Variants in TDRD10 observed in about 807,000 individuals in gnomAD.
TDRD10 encodes tudor domain containing 10.
TDRD10 carries 40 observed loss-of-function variants against 48.0 expected under a neutral mutation model. The observed-to-expected ratio is 0.83, with a 90% CI of 0.65 to 1.09. The LOEUF (loss-of-function observed/expected upper bound fraction) is 1.09. TDRD10 is among the 50% of genes least tolerant of loss of function. The pLI, the probability that TDRD10 is intolerant of heterozygous loss-of-function variation, is 0.00. For missense variants in TDRD10, 378 were observed against 434.7 expected, an observed-to-expected ratio of 0.87 and a Z score of 1.16; for synonymous variants, 162 against 170.4, an observed-to-expected ratio of 0.95 and a Z score of 0.38.
Position 154,547,875 on chromosome 1 carries a change from A to G in TDRD10, c.*165A>G. ...CTTTTACTCCCAGCTTCCCTCTCAA[A>G]AGAGAGTGAAGTCTCATTTGTCATG... is the stretch of plus-strand genomic sequence containing the variant. On this transcript the variant is annotated 3_prime_UTR_variant, in exon 13 of 13. Coordinates refer to ENST00000368482, the MANE Select transcript of TDRD10 (RefSeq NM_182499.4). 1.4e-6 allele frequency: 1 copy of G among 725,122 alleles called. No homozygotes were observed. The highest frequency in any genetic ancestry group is 2.3e-6 in the Non-Finnish European group (1 of 434,152). The allele number at this position is 725,122 out of a possible 1,614,324, so 44.9% of individuals were successfully genotyped here. A position where few individuals can be genotyped will look rare whatever the true frequency, so the allele number is the denominator to read the frequency against.
At chr1:154,520,447 CAT>C (rs1693998363) in intron 5 of TDRD10, 73 bp downstream of exon 5, 1 of 1,249,668 alleles carries the variant, frequency 8.0e-7, no homozygotes, top group Non-Finnish European at 1.2e-6. Context: ...CTGATGCACT[CAT>C]GTTGCAGACT....
At position 154,544,555 on chromosome 1, in the gene TDRD10, C is replaced by T. The variant is rs139609427; in HGVS notation, c.797+38C>T. ...GCAGGGGTAGAGTCTATGGGAGAGGCGTGCAGGGAAAATGCTCCCTTCTTG... is the reference window on the plus strand; with the variant it reads ...GCAGGGGTAGAGTCTATGGGAGAGGTGTGCAGGGAAAATGCTCCCTTCTTG... On this transcript the variant is annotated intron_variant, in intron 10 of 12. Coordinates refer to ENST00000368482, the MANE Select transcript of TDRD10 (RefSeq NM_182499.4). The T allele has an allele frequency of 4.4e-4, 696 of 1,592,750 alleles. 5 individuals are homozygous for T. The African/African-American group carries it at 7.7e-3, about 18-fold the overall frequency.
intron 4 of TDRD10, among the ~76,000 whole-genome samples, chr1:154,513,120 C>A (rs1417840793): frequency 3.3e-5 from 5 of 152,098 alleles, no homozygotes; most frequent in African/African-American, 1.2e-4. Context: ...TAAAAAGACA[C>A]AAGAGCAAGC....
chr1:154,538,550 C>CAAAA (rs59257227), intron 6 of TDRD10, among the ~76,000 whole-genome samples: 8,138 of 57,186 alleles, frequency 0.14, 392 homozygotes, highest in Non-Finnish European at 0.18. Context: ...AACTCTATCT[C>CAAAA]AAAAAAAAAA....
Position 154,509,079 on chromosome 1 carries a change from T to C in TDRD10, c.141+598T>C, listed in dbSNP as rs180864759. Among the ~76,000 whole-genome samples the C allele has an allele frequency of 3.4e-5, 5 of 145,774 alleles. No homozygotes were observed. The East Asian group carries it at 8.2e-4, about 24-fold the overall frequency. The stretch of plus-strand genomic sequence containing the variant: ...GAGAATGAAAGTGTGATCTATTGAA[T>C]TGAAGCACCTCCTGACTTTTTTTTT... On this transcript the variant is annotated intron_variant, in intron 4 of 12. Coordinates refer to ENST00000368482, the MANE Select transcript of TDRD10 (RefSeq NM_182499.4).
chr1:154,507,462 AC>A, intron 3 of TDRD10, 142 bp downstream of exon 3: 1 of 1,019,250 alleles, frequency 9.8e-7, no homozygotes, highest in Non-Finnish European at 1.5e-6. Flanking sequence ...CCAGTCAGCC[AC>A]CATGTTTCCT....
In TDRD10 at chr1:154,544,006, C is replaced by G; in HGVS notation, c.547C>G (p.Leu183Val). 1.2e-6 allele frequency: 2 copies of G among 1,614,216 alleles called. No individual in the cohort carries two copies. The highest frequency in any genetic ancestry group is 1.1e-5 in the South Asian group (1 of 91,088). Residue 183 changes from leucine to valine, a missense_variant, in exon 9 of 13, where the codon CTG (leucine) becomes GTG (valine). Coordinates refer to ENST00000368482, the MANE Select transcript of TDRD10 (RefSeq NM_182499.4). ...GCTCCTGAGGGAATGCTTCCGAGAC[C>G]TGAGCTGGCTGGCACTCATCCATAG... ...VLLLRECFRDLSWLALIHSVR... is the reference protein window; with the variant it reads ...VLLLRECFRDVSWLALIHSVR...
intron 1 of TDRD10, among the ~76,000 whole-genome samples, chr1:154,504,935 C>T (rs749485653): frequency 2.6e-5 from 4 of 151,970 alleles, no homozygotes; most frequent in African/African-American, 4.8e-5. Context: ...TGCAGTGAGC[C>T]GAGATCGTAC....
chr1:154,541,871 G>A, intron 6 of TDRD10, 153 bp from the exon 7 acceptor site: 3 of 654,908 alleles, frequency 4.6e-6, no homozygotes, highest in Non-Finnish European at 7.9e-6. Context: ...GATGGAGAGA[G>A]TGGACGGATG....
At chr1:154,539,732 A>G (rs917534427) in intron 6 of TDRD10, among the ~76,000 whole-genome samples, 2 of 152,260 alleles carry the variant, frequency 1.3e-5, no homozygotes, top group African/African-American at 4.8e-5. Flanking sequence ...GTTGAAAGAC[A>G]CTTGTCATTC....
chr1:154,507,367 A>G, intron 3 of TDRD10, 47 bp downstream of exon 3: 1 of 1,602,648 alleles, frequency 6.2e-7, no homozygotes, highest in Non-Finnish European at 8.5e-7. Flanking sequence ...CTCATCCTAC[A>G]ACTTGGATTC....
At chr1:154,533,892 TA>T (rs60516920) in intron 6 of TDRD10, among the ~76,000 whole-genome samples, 5,059 of 60,214 alleles carry the variant, frequency 0.084, 287 homozygotes, top group African/African-American at 0.18. Context: ...TATATATATA[TA>T]TTTTTTTTTA....
At chr1:154,520,497 G>A (rs969295701) in intron 5 of TDRD10, 123 bp downstream of exon 5, 3 of 725,228 alleles carry the variant, frequency 4.1e-6, no homozygotes, top group Admixed American at 4.5e-5. Context: ...ACTCTGACTT[G>A]GCAAAGGAAC....
In TDRD10 at chr1:154,502,841, G is replaced by C. The variant is rs1312561801; in HGVS notation, c.-216G>C. On this transcript the variant is annotated 5_prime_UTR_variant, in exon 1 of 13. Coordinates refer to ENST00000368482, the MANE Select transcript of TDRD10 (RefSeq NM_182499.4). ...ACAACGGTCGCCAGCTCCTGCGCTAGTTCCGTTACTCTTCGGTGGCACACG... is the reference window on the plus strand; with the variant it reads ...ACAACGGTCGCCAGCTCCTGCGCTACTTCCGTTACTCTTCGGTGGCACACG... The C allele has an allele frequency of 6.6e-6, 1 of 152,246 alleles. No individual in the cohort carries two copies. The highest frequency in any genetic ancestry group is 1.5e-5 in the Non-Finnish European group (1 of 68,070). 9.4% of individuals were successfully genotyped at this position (152,246 alleles called of 1,614,324 possible). A position where few individuals can be genotyped will look rare whatever the true frequency, so the allele number is the denominator to read the frequency against.
chr1:154,506,787 AT>A (rs1379351878), intron 1 of TDRD10, 89 bp from the exon 2 acceptor site: 24 of 1,160,954 alleles, frequency 2.1e-5, no homozygotes, highest in Non-Finnish European at 3.0e-5. Flanking sequence ...TTGGGGAGGC[AT>A]TATTCTGCTT....
chr1:154,542,874 C>A, intron 8 of TDRD10, 53 bp downstream of exon 8: 1 of 1,476,616 alleles, frequency 6.8e-7, no homozygotes, highest in Non-Finnish European at 9.4e-7. Flanking sequence ...CAGACATCCT[C>A]TGTCCCCCAG....
In TDRD10 at chr1:154,530,778, G is replaced by A. The variant is rs12074111; in HGVS notation, c.369+9299G>A. ...ATAATTTTTATTGCTGTGCCTTCCA[G>A]TCACCGGTTCTTTCTTCTGGGCCTC... On this transcript the variant is annotated intron_variant, in intron 6 of 12. Transcript: ENST00000368482. Among the ~76,000 whole-genome samples the A allele has an allele frequency of 2.5e-3, 385 of 151,876 alleles. 3 individuals carry two copies. Among genetic ancestry groups the A allele is most frequent in the African/African-American group, 8.9e-3 (367 of 41,378 alleles).
At chr1:154,516,033 C>G (rs527443431) in intron 4 of TDRD10, among the ~76,000 whole-genome samples, 1 of 152,132 alleles carries the variant, frequency 6.6e-6, no homozygotes. Context: ...TACTTACTCC[C>G]CTTAGTGATG....
chr1:154,516,616 T>C (rs1693784898), intron 4 of TDRD10, among the ~76,000 whole-genome samples: 1 of 152,012 alleles, frequency 6.6e-6, no homozygotes, highest in East Asian at 1.9e-4. Flanking sequence ...GTGATTGCAG[T>C]GATAGACCCT....
Sources: gnomAD v4.1 joint callset for allele counts (sites outside exome capture counted in the v4.1 genomes callset) on GRCh38, gnomAD v4.1.1 for gene constraint, MANE v1.5 for transcripts, NCBI Gene and HGNC (gene_info 2026-07-23, HGNC 2026-07-21) for gene names.